Variants in P4HA3 observed in about 807,000 individuals in gnomAD.
P4HA3 encodes the protein prolyl 4-hydroxylase subunit alpha-3.
P4HA3 carries 60 observed loss-of-function variants against 66.7 expected under a neutral mutation model. That is an observed-to-expected ratio of 0.90 (90% confidence interval 0.73 to 1.12). The LOEUF (loss-of-function observed/expected upper bound fraction) is 1.12, where lower values mean the gene tolerates loss of function less well. Among genes scored for constraint, P4HA3 ranks in the 50% most tolerant of loss-of-function variants. The pLI, the probability that P4HA3 is intolerant of heterozygous loss-of-function variation, is 0.00. For missense variants in P4HA3, 683 were observed against 685.8 expected, an observed-to-expected ratio of 1.00 and a Z score of 0.05; for synonymous variants, 263 against 274.6, an observed-to-expected ratio of 0.96 and a Z score of 0.42.
At chr11:74,309,778 T>C (rs1452537281) in intron 1 of P4HA3, among the ~76,000 whole-genome samples, 1 of 152,248 alleles carries the variant, frequency 6.6e-6, no homozygotes, top group Non-Finnish European at 1.5e-5. Context: ...ATTGTCACAC[T>C]ATTTCAAGCT....
chr11:74,307,221 T>G (rs73550772), intron 1 of P4HA3, among the ~76,000 whole-genome samples: 7,623 of 152,250 alleles, frequency 0.05, 480 homozygotes, highest in African/African-American at 0.15. Flanking sequence ...CTATGGATCT[T>G]TTCAGCATGA....
intron 15 of P4HA3, among the ~76,000 whole-genome samples, chr11:74,256,954 T>A (rs1427591312): frequency 2.0e-5 from 3 of 152,102 alleles, no homozygotes; most frequent in African/African-American, 7.3e-5. Flanking sequence ...ACCCAATATG[T>A]GCCAGGCATC....
chr11:74,287,194 C>T (rs1860829179), intron 5 of P4HA3: 1 of 1,284,932 alleles, frequency 7.8e-7, no homozygotes, highest in South Asian at 1.2e-5. Context: ...CTTTGCATGA[C>T]TCTCAATGCA....
chr11:74,278,837 C>T (rs1285689471), intron 8 of P4HA3, among the ~76,000 whole-genome samples: 1 of 152,018 alleles, frequency 6.6e-6, no homozygotes, highest in South Asian at 2.1e-4. Flanking sequence ...GGCCTCCCCC[C>T]AAGGATGCTG....
intron 15 of P4HA3, chr11:74,255,888 T>G (rs1329610501): frequency 3.9e-6 from 2 of 508,136 alleles, no homozygotes; most frequent in Non-Finnish European, 7.9e-6. Context: ...AGGAGAGAAG[T>G]TCCTTATGTG....
Position 74,286,328 on chromosome 11 carries a change from G to A in P4HA3, c.833C>T (p.Pro278Leu), listed in dbSNP as rs773075789. Residue 278 changes from proline (P) to leucine (L), a missense_variant, in exon 6 of 13, where the codon CCC becomes CTC. Transcript: ENST00000331597. ...GACAGCCTCAGCTACCACGTGGTTG[G>A]GGCTCTCTGCCAAGAGCCTTTCATA... ...LKYERLLAES[P>L]NHVVAEAVIQ... is the part of the protein sequence containing the mutation. 1.2e-6 allele frequency: 2 copies of A among 1,605,308 alleles called. No homozygotes were observed. The highest frequency in any genetic ancestry group is 1.7e-5 in the Admixed American group (1 of 58,068).
chr11:74,275,906 G>A (rs1015156583), intron 9 of P4HA3, among the ~76,000 whole-genome samples: 3 of 152,096 alleles, frequency 2.0e-5, no homozygotes, highest in Non-Finnish European at 2.9e-5. Flanking sequence ...CAACCTAAAT[G>A]TCCATCGATG....
chr11:74,277,272 A>C, intron 8 of P4HA3, 128 bp from the exon 9 acceptor site: 10 of 1,191,100 alleles, frequency 8.4e-6, no homozygotes, highest in African/African-American at 1.5e-5. Flanking sequence ...GGAAGGAGGA[A>C]AGAGAGGGAG....
intron 4 of P4HA3, among the ~76,000 whole-genome samples, chr11:74,296,559 T>C (rs867854367): frequency 2.0e-5 from 3 of 151,706 alleles, no homozygotes; most frequent in African/African-American, 7.3e-5. Flanking sequence ...GCCTGGGGAG[T>C]GAGGAGAACT....
intron 7 of P4HA3, among the ~76,000 whole-genome samples, chr11:74,279,783 AG>A (rs1043194482): frequency 1.6e-4 from 24 of 152,330 alleles, no homozygotes; most frequent in Admixed American, 2.6e-4. Context: ...AGGTAAGAAC[AG>A]GGGCTATTTC....
chr11:74,286,298 T>G lies in P4HA3; in HGVS notation c.863A>C (p.Gln288Pro), dbSNP rs1186002339. ...PNHVVAEAVI[Q>P]RPNIPHLQTR... ...CTGCAGGTGGGGTATATTGGGCCTC[T>G]GGATGACAGCCTCAGCTACCACGTG... Residue 288 changes from glutamine to proline, a missense_variant, in exon 6 of 13, where the codon CAG becomes CCG. Coordinates refer to ENST00000331597, the MANE Select transcript of P4HA3 (RefSeq NM_182904.5). The G allele has an allele frequency of 6.2e-7, 1 of 1,611,896 alleles. No individual in the cohort carries two copies. Among genetic ancestry groups the G allele is most frequent in the Non-Finnish European group, 8.5e-7 (1 of 1,179,132 alleles).
At chr11:74,284,173 C>A (rs1262530228) in intron 7 of P4HA3, among the ~76,000 whole-genome samples, 2 of 152,214 alleles carry the variant, frequency 1.3e-5, no homozygotes, top group Non-Finnish European at 2.9e-5. Context: ...TATAGAGGTG[C>A]ATTTTTTCTT....
chr11:74,261,891 G>A (rs1391468607), downstream of P4HA3, among the ~76,000 whole-genome samples: 1 of 152,136 alleles, frequency 6.6e-6, no homozygotes, highest in African/African-American at 2.4e-5. Context: ...TGGCGCTTTG[G>A]AAAAAGCATG....
At chr11:74,286,540 T>C in intron 5 of P4HA3, 149 bp from the exon 6 acceptor site, 1 of 616,760 alleles carries the variant, frequency 1.6e-6, no homozygotes, top group Admixed American at 3.6e-5. Flanking sequence ...CACAGGAGGA[T>C]GCAAGGCCCT....
downstream of P4HA3, among the ~76,000 whole-genome samples, chr11:74,264,116 G>C (rs1290812581): frequency 6.6e-6 from 1 of 152,118 alleles, no homozygotes; most frequent in African/African-American, 2.4e-5. Context: ...GCAAATATAA[G>C]AATTAGGCCT....
chr11:74,251,882 A>T (rs764440095), intron 15 of P4HA3: 1 of 924,376 alleles, frequency 1.1e-6, no homozygotes. Flanking sequence ...CTACAAAGCC[A>T]TGGTTGGTTG....
At chr11:74,282,039 TC>T (rs1860622475) in intron 7 of P4HA3, among the ~76,000 whole-genome samples, 1 of 151,240 alleles carries the variant, frequency 6.6e-6, no homozygotes, top group Non-Finnish European at 1.5e-5. Context: ...CCATCCATTG[TC>T]CCTGGTGTCC....
At chr11:74,280,813 C>G (rs908725038) in intron 7 of P4HA3, among the ~76,000 whole-genome samples, 1 of 152,176 alleles carries the variant, frequency 6.6e-6, no homozygotes, top group African/African-American at 2.4e-5. Context: ...TCTGAAGCTT[C>G]CATAATGTCA....
chr11:74,268,144 C>A lies in P4HA3; in HGVS notation c.1564+1G>T, dbSNP rs750698277. 3 of 1,613,142 alleles carry A rather than the reference C, an allele frequency of 1.9e-6. No individual in the cohort carries two copies. In the East Asian group the frequency reaches 6.7e-5, roughly 36 times the overall value. On this transcript the variant is annotated splice_donor_variant, in intron 12 of 12. Coordinates refer to ENST00000331597, the MANE Select transcript of P4HA3 (RefSeq NM_182904.5). LOFTEE classifies it high-confidence loss of function. ...CTCATGCCCAGAAAGGCAAGACTTA[C>A]CCCACTTATCTCCCACCAGGACAGG...
Sources: gnomAD v4.1 joint callset for allele counts (sites outside exome capture counted in the v4.1 genomes callset) on GRCh38, gnomAD v4.1.1 for gene constraint, MANE v1.5 for transcripts, NCBI Gene and HGNC (gene_info 2026-07-23, HGNC 2026-07-21) for gene names.